TTC6: variants seen among roughly 807,000 people sequenced by gnomAD.
The protein encoded by TTC6 is tetratricopeptide repeat domain 6, also known as tetratricopeptide repeat protein 6.
A neutral mutation model predicts 210.4 loss-of-function variants in TTC6; 172 were observed. The ratio of observed to expected loss-of-function variants is 0.82; its 90% CI spans 0.72 to 0.93. TTC6 has a LOEUF of 0.93. Ranked by LOEUF, TTC6 falls within the 40% of genes least tolerant of loss-of-function variation. The probability of loss-of-function intolerance (pLI) is 0.00; values close to 1 mark genes in which losing one functional copy is unlikely to be tolerated. For synonymous variants in TTC6, 804 were observed against 819.6 expected, an observed-to-expected ratio of 0.98 and a Z score of 0.32; for missense variants, 2,414 against 2,318.1, an observed-to-expected ratio of 1.04 and a Z score of -0.85.
exon 1 of TTC6, chr14:37,622,416 C>T (rs1200731829): frequency 4.6e-6 from 7 of 1,534,718 alleles, no homozygotes; most frequent in Admixed American, 2.0e-5. Flanking sequence ...GTTTCGCCCC[C>T]GGGACTTTTA....
At chr14:37,615,499 A>G (rs1595012485) in intron 2 of TTC6, among the ~76,000 whole-genome samples, 1 of 151,972 alleles carries the variant, frequency 6.6e-6, no homozygotes, top group East Asian at 1.9e-4. Context: ...TATAATGGAT[A>G]ATTTCTGTGC....
intron 1 of TTC6, among the ~76,000 whole-genome samples, chr14:37,669,491 C>G (rs534381759): frequency 3.3e-5 from 5 of 152,284 alleles, no homozygotes; most frequent in African/African-American, 1.2e-4. Context: ...GAAGTGCTGC[C>G]TTCTATTCTA....
intron 29 of TTC6, among the ~76,000 whole-genome samples, chr14:37,835,526 C>T (rs1486284458): frequency 6.6e-6 from 1 of 152,036 alleles, no homozygotes; most frequent in Non-Finnish European, 1.5e-5. Flanking sequence ...CCCATTATGT[C>T]ATTAGGGAAG....
chr14:37,789,473 G>C (rs186467928), intron 15 of TTC6, among the ~76,000 whole-genome samples: 80 of 151,282 alleles, frequency 5.3e-4, no homozygotes, highest in African/African-American at 1.8e-3. Context: ...ATGATGTTTC[G>C]GTCAAAAACG....
At chr14:37,643,539 C>G (rs769545807) in intron 1 of TTC6, among the ~76,000 whole-genome samples, 15 of 152,108 alleles carry the variant, frequency 9.9e-5, no homozygotes, top group Non-Finnish European at 1.8e-4. Flanking sequence ...AGCTGTTAAT[C>G]AGCATACTCA....
intron 14 of TTC6, among the ~76,000 whole-genome samples, chr14:37,779,669 A>G (rs1427079952): frequency 6.6e-6 from 1 of 152,160 alleles, no homozygotes; most frequent in East Asian, 1.9e-4. Context: ...CCATTTGCTG[A>G]GAGGGCAAAA....
intron 16 of TTC6, 105 bp downstream of exon 18, chr14:37,790,942 A>G: frequency 1.1e-6 from 1 of 919,892 alleles, no homozygotes; most frequent in South Asian, 1.8e-5. Context: ...ACCTAGAAAA[A>G]ATGAGACACT....
At chr14:37,817,004 TTA>T (rs1001418937) in intron 25 of TTC6, among the ~76,000 whole-genome samples, 1 of 152,082 alleles carries the variant, frequency 6.6e-6, no homozygotes, top group African/African-American at 2.4e-5. Context: ...GATCTGGGGA[TTA>T]GAGTTTCCAT....
intron 1 of TTC6, among the ~76,000 whole-genome samples, chr14:37,669,143 T>A (rs1218859778): frequency 2.6e-5 from 4 of 152,224 alleles, no homozygotes; most frequent in Non-Finnish European, 5.9e-5. Context: ...GGTAAAAGTT[T>A]CCACACCTTC....
chr14:37,626,835 T>C (rs1008768215), intron 1 of TTC6, among the ~76,000 whole-genome samples: 4 of 152,196 alleles, frequency 2.6e-5, no homozygotes, highest in Admixed American at 6.5e-5. Context: ...ATAACTATGT[T>C]ACTCCAGCTA....
At chr14:37,623,277 A>T (rs2095654881) in intron 1 of TTC6, among the ~76,000 whole-genome samples, 1 of 152,238 alleles carries the variant, frequency 6.6e-6, no homozygotes, top group African/African-American at 2.4e-5. Context: ...AGACTTCAGT[A>T]ATAACGTCAC....
chr14:37,762,836 T>C (rs971015837), intron 14 of TTC6, among the ~76,000 whole-genome samples: 1 of 152,080 alleles, frequency 6.6e-6, no homozygotes, highest in Admixed American at 6.6e-5. Context: ...TTAATCCCGC[T>C]TGATCGTAGT....
At chr14:37,657,357 A>G (rs1411053845) in intron 1 of TTC6, among the ~76,000 whole-genome samples, 1 of 151,756 alleles carries the variant, frequency 6.6e-6, no homozygotes, top group East Asian at 1.9e-4. Flanking sequence ...TTTAAAAAAA[A>G]AAAAAAAAGA....
At chr14:37,622,919 G>T (rs1018439278) in exon 1 of TTC6, 1 of 1,534,150 alleles carries the variant, frequency 6.5e-7, no homozygotes. Flanking sequence ...CCTCTCTGCA[G>T]TCCGAGGCCC....
intron 7 of TTC6, among the ~76,000 whole-genome samples, chr14:37,727,032 A>T (rs1351037240): frequency 6.6e-6 from 1 of 151,654 alleles, no homozygotes; most frequent in Non-Finnish European, 1.5e-5. Flanking sequence ...TGTTTGTCAG[A>T]CTAGTATACT....
intron 1 of TTC6, among the ~76,000 whole-genome samples, chr14:37,672,212 T>TCC (rs993355803): frequency 6.6e-6 from 1 of 152,230 alleles, no homozygotes; most frequent in Non-Finnish European, 1.5e-5. Flanking sequence ...GAACTGCATT[T>TCC]CCCCTCCCTC....
rs918916919 is a variant in TTC6 at position 37,664,897 on chromosome 14, G to T, written c.940-15254G>T. Among the ~76,000 whole-genome samples the T allele has an allele frequency of 5.3e-5, 8 of 150,682 alleles. 1 individual carries two copies. Among genetic ancestry groups the T allele is most frequent in the Admixed American group, 4.6e-4 (7 of 15,140 alleles). On this transcript the variant is annotated intron_variant, in intron 1 of 30. Transcript: ENST00000553443. The stretch of plus-strand genomic sequence containing the variant: ...TTGTGGCCAGCAAACTTATGGAAAA[G>T]AGCTCAACCTTACTGATTATTAGAG...
chr14:37,664,980 T>C (rs1002347689), intron 1 of TTC6, among the ~76,000 whole-genome samples: 1 of 150,444 alleles, frequency 6.6e-6, no homozygotes, highest in African/African-American at 2.4e-5. Context: ...ATGGCTATTA[T>C]TAAAAAGTCA....
exon 8 of TTC6, chr14:37,735,928 A>G: frequency 6.6e-7 from 1 of 1,526,412 alleles, no homozygotes; most frequent in Non-Finnish European, 8.8e-7. Context: ...CAGAGTGTTC[A>G]AGCAAGCAGA....
Sources: gnomAD v4.1 joint callset for allele counts (sites outside exome capture counted in the v4.1 genomes callset) on GRCh38, gnomAD v4.1.1 for gene constraint, MANE v1.5 for transcripts, NCBI Gene and HGNC (gene_info 2026-07-23, HGNC 2026-07-21) for gene names.